The following MICU1 variants were observed in gnomAD, a reference collection of about 807,000 sequenced individuals.
MICU1 encodes mitochondrial calcium uptake 1.
MICU1 carries 45 observed loss-of-function variants against 56.8 expected under a neutral mutation model. The observed-to-expected ratio is 0.79, with a 90% confidence interval of 0.62 to 1.02. The LOEUF (loss-of-function observed/expected upper bound fraction) is 1.02. Among genes scored for constraint, MICU1 ranks in the 50% least tolerant of loss-of-function variants. The pLI is 0.00. For missense variants in MICU1, 504 were observed against 587.1 expected (o/e 0.86, Z 1.46); for synonymous variants, 186 against 195.1 (o/e 0.95, Z 0.39).
rs1199987987 is a variant in MICU1, at chr10:72,512,100, G to GTTTTTTTTTTTTT, written c.538-3832_538-3831insAAAAAAAAAAAAA. On this transcript the variant is annotated intron_variant, in intron 5 of 11. Coordinates refer to ENST00000361114, the MANE Select transcript of MICU1 (RefSeq NM_001195518.2). Reference sequence around the variant, plus strand: ...ATCAATCTGGCATCCATACACAGTTGTTTTTTGTTTTTTTTTTTTTTTTTT... The same window carrying GTTTTTTTTTTTTT: ...ATCAATCTGGCATCCATACACAGTTGTTTTTTTTTTTTTTTTTTTGTTTTTTTTTTTTTTTTTT... 1.7e-4 allele frequency among the ~76,000 whole-genome samples: 14 copies of GTTTTTTTTTTTTT among 82,336 alleles called. 2 individuals carry two copies. Among genetic ancestry groups the GTTTTTTTTTTTTT allele is most frequent in the African/African-American group, 8.1e-4 (14 of 17,242 alleles). 54.0% of individuals were successfully genotyped at this position (82,336 alleles called of 152,430 possible). A position where few individuals can be genotyped will look rare whatever the true frequency, so the allele number is the denominator to read the frequency against.
At chr10:72,369,105 C>G (rs1429979860) in intron 11 of MICU1, among the ~76,000 whole-genome samples, 1 of 151,884 alleles carries the variant, frequency 6.6e-6, no homozygotes, top group Non-Finnish European at 1.5e-5. Context: ...TAGCGAGACC[C>G]TGTCTCTAAA....
rs541635725 is a variant in MICU1, at chr10:72,563,117, C to T, written c.162-54G>A. Reference sequence around the variant, plus strand: ...AATCTTGAACGTCCATCATACTAGACAAATAAGCAAACAGATACAGCTTAG... The same window carrying T: ...AATCTTGAACGTCCATCATACTAGATAAATAAGCAAACAGATACAGCTTAG... On this transcript the variant is annotated intron_variant, in intron 2 of 11. Transcript: ENST00000361114. 4.0e-5 allele frequency: 52 copies of T among 1,310,304 alleles called. No homozygotes were observed. In the African/African-American group the frequency reaches 4.5e-4, roughly 11 times the overall value. 81.2% of individuals were successfully genotyped at this position (1,310,304 alleles called of 1,614,324 possible).
At chr10:72,391,171 C>T (rs1014194485) in intron 10 of MICU1, among the ~76,000 whole-genome samples, 2 of 152,248 alleles carry the variant, frequency 1.3e-5, no homozygotes, top group Non-Finnish European at 2.9e-5. Context: ...CAGTGGCTCA[C>T]GCCTGTAATC....
Position 72,382,003 on chromosome 10 carries a change from CACATT to C in MICU1, c.1181-6136_1181-6132del, listed in dbSNP as rs962867026. 4.8e-5 allele frequency among the ~76,000 whole-genome samples: 7 copies of C among 146,378 alleles called. 1 individual carries two copies. In the East Asian group the frequency reaches 8.2e-4, roughly 17 times the overall value. ...ACACACACACACACACACACACACA[CACATT>C]AAGATGGAGAAACACGTAGAAGAGA... On this transcript the variant is annotated intron_variant, in intron 10 of 11. Coordinates refer to ENST00000361114, the MANE Select transcript of MICU1 (RefSeq NM_001195518.2).
intron 5 of MICU1, chr10:72,523,967 C>T: frequency 7.5e-7 from 1 of 1,324,832 alleles, no homozygotes; most frequent in Non-Finnish European, 9.6e-7. Context: ...CCCCTTAAGC[C>T]ATTTTACTGA....
intron 6 of MICU1, among the ~76,000 whole-genome samples, chr10:72,498,588 AAAAG>A (rs377198886): frequency 1.3e-5 from 2 of 152,138 alleles, no homozygotes; most frequent in Admixed American, 6.5e-5. Flanking sequence ...TCTGTATCAA[AAAAG>A]AAAGAAAGAA....
chr10:72,622,217 C>A (rs1564516946), intron 1 of MICU1, among the ~76,000 whole-genome samples: 1 of 150,362 alleles, frequency 6.7e-6, no homozygotes, highest in African/African-American at 2.5e-5. Context: ...GCCACCGCGC[C>A]CGGCCCCAAG....
At chr10:72,606,490 G>A (rs890852911) in intron 1 of MICU1, among the ~76,000 whole-genome samples, 22 of 151,810 alleles carry the variant, frequency 1.4e-4, no homozygotes, top group Non-Finnish European at 5.9e-5. Context: ...TCCAGCCTGG[G>A]CAACAAGAGC....
At chr10:72,435,078 G>T (rs2132166447) in intron 8 of MICU1, among the ~76,000 whole-genome samples, 1 of 152,166 alleles carries the variant, frequency 6.6e-6, no homozygotes, top group South Asian at 2.1e-4. Context: ...GTGAGTAACT[G>T]AATAAATAAA....
intron 6 of MICU1, among the ~76,000 whole-genome samples, chr10:72,489,290 TCACACACACACACACACACA>T (rs67070756): frequency 7.1e-6 from 1 of 141,558 alleles, no homozygotes; most frequent in Non-Finnish European, 1.5e-5. Flanking sequence ...CGAGACTCTG[TCACACACACACACACACACA>T]CACACACACA....
chr10:72,624,639 C>T (rs1201862618), intron 1 of MICU1, among the ~76,000 whole-genome samples: 1 of 152,156 alleles, frequency 6.6e-6, no homozygotes, highest in Non-Finnish European at 1.5e-5. Context: ...TCCCTTTCTC[C>T]TCAGGCACAC....
At chr10:72,373,681 G>T (rs958942189) in intron 11 of MICU1, among the ~76,000 whole-genome samples, 31 of 152,230 alleles carry the variant, frequency 2.0e-4, no homozygotes, top group African/African-American at 6.5e-4. Context: ...TAGGGAAAAG[G>T]GGGGACTTGA....
At chr10:72,563,124 GCAAA>G in intron 2 of MICU1, 61 bp from the exon 3 acceptor site, 1 of 1,268,806 alleles carries the variant, frequency 7.9e-7, no homozygotes, top group Non-Finnish European at 1.0e-6. Flanking sequence ...AGACAAATAA[GCAAA>G]CAGATACAGC....
rs1199119308 is a variant in MICU1 at position 72,626,051 on chromosome 10, C to T, written c.-43G>A. 1 of 153,042 alleles carries T rather than the reference C, an allele frequency of 6.5e-6. No homozygotes were observed. Among genetic ancestry groups the T allele is most frequent in the Admixed American group, 6.5e-5 (1 of 15,280 alleles). The allele number at this position is 153,042 out of a possible 1,614,324, so 9.5% of individuals were successfully genotyped here. A position where few individuals can be genotyped will look rare whatever the true frequency, so the allele number is the denominator to read the frequency against. On this transcript the variant is annotated 5_prime_UTR_variant, in exon 1 of 12. Transcript: ENST00000361114. ...TCCAGCAGCCTCTCGGTCAAAGCCG[C>T]CCACCTCTGACAGCCATAGAGATGA...
chr10:72,585,645 C>T, intron 1 of MICU1, among the ~76,000 whole-genome samples: 1 of 147,702 alleles, frequency 6.8e-6, no homozygotes, highest in East Asian at 2.0e-4. Flanking sequence ...GGCGACAGAG[C>T]AAGACTCTTT....
At chr10:72,485,892 C>A (rs150308369) in intron 6 of MICU1, among the ~76,000 whole-genome samples, 7 of 151,360 alleles carry the variant, frequency 4.6e-5, no homozygotes, top group African/African-American at 1.7e-4. Flanking sequence ...CACACACACA[C>A]ACACACGCAC....
chr10:72,536,037 G>A (rs1376496349), intron 4 of MICU1, among the ~76,000 whole-genome samples: 4 of 152,062 alleles, frequency 2.6e-5, no homozygotes, highest in South Asian at 2.1e-4. Context: ...AGTAGAACAG[G>A]GTGTACCACA....
intron 1 of MICU1, among the ~76,000 whole-genome samples, chr10:72,569,228 TATATATA>T (rs1487672685): frequency 7.7e-4 from 45 of 58,572 alleles, no homozygotes; most frequent in East Asian, 3.6e-3. Flanking sequence ...TATATATATA[TATATATA>T]TATTTTTTTT....
At chr10:72,596,581 C>T (rs1841386881) in intron 1 of MICU1, among the ~76,000 whole-genome samples, 3 of 151,794 alleles carry the variant, frequency 2.0e-5, no homozygotes, top group East Asian at 1.9e-4. Flanking sequence ...AACAAAAATC[C>T]AACACAGGGC....
Sources: gnomAD v4.1 joint callset for allele counts (sites outside exome capture counted in the v4.1 genomes callset) on GRCh38, gnomAD v4.1.1 for gene constraint, MANE v1.5 for transcripts, NCBI Gene and HGNC (gene_info 2026-07-23, HGNC 2026-07-21) for gene names.